The following ANK3 variants were observed in gnomAD, a reference collection of about 807,000 sequenced individuals.
ANK3 encodes ankyrin 3.
A neutral mutation model predicts 370.9 loss-of-function variants in ANK3; 57 were observed. The ratio of observed to expected loss-of-function variants is 0.15; its 90% CI spans 0.12 to 0.19. The LOEUF is 0.19. Among genes scored for constraint, ANK3 ranks in the 10% least tolerant of loss-of-function variants. The pLI is 1.00. For synonymous variants in ANK3, 1,929 were observed against 1,946.3 expected, an observed-to-expected ratio of 0.99 and a Z score of 0.23; for missense variants, 4,439 against 5,302.1, an observed-to-expected ratio of 0.84 and a Z score of 5.06.
chr10:60,049,619 C>T (rs2077554946), intron 42 of ANK3, among the ~76,000 whole-genome samples: 1 of 152,022 alleles, frequency 6.6e-6, no homozygotes, highest in Non-Finnish European at 1.5e-5. Flanking sequence ...TACGGACTCC[C>T]CTGTTTTTAT....
At chr10:60,731,523 C>T (rs1206286847) in intron 1 of ANK3, among the ~76,000 whole-genome samples, 2 of 152,232 alleles carry the variant, frequency 1.3e-5, no homozygotes, top group African/African-American at 2.4e-5. Context: ...CTTATTTATC[C>T]TCCACTGATT....
chr10:60,159,451 T>C (rs1040892210), intron 23 of ANK3, among the ~76,000 whole-genome samples: 3 of 152,102 alleles, frequency 2.0e-5, no homozygotes, highest in African/African-American at 7.2e-5. Flanking sequence ...AAGAGAGAGA[T>C]AGACCCCAAT....
intron 2 of ANK3, among the ~76,000 whole-genome samples, chr10:60,583,698 T>G (rs1016148653): frequency 6.6e-6 from 1 of 152,008 alleles, no homozygotes; most frequent in Non-Finnish European, 1.5e-5. Flanking sequence ...TTCTCCTGCC[T>G]CAGCCTCCTG....
intron 8 of ANK3, among the ~76,000 whole-genome samples, chr10:60,227,788 A>G (rs994302869): frequency 6.6e-6 from 1 of 151,910 alleles, no homozygotes; most frequent in East Asian, 1.9e-4. Context: ...CCCGCATTAT[A>G]CTCGTTTCTC....
chr10:60,571,188 G>T (rs144000327), intron 2 of ANK3, among the ~76,000 whole-genome samples: 1 of 152,024 alleles, frequency 6.6e-6, no homozygotes, highest in East Asian at 1.9e-4. Context: ...CCTTGCCAAG[G>T]CAATGTACAA....
At chr10:60,146,392 C>A (rs1381431177) in intron 23 of ANK3, among the ~76,000 whole-genome samples, 1 of 152,182 alleles carries the variant, frequency 6.6e-6, no homozygotes, top group African/African-American at 2.4e-5. Flanking sequence ...CAGATTATTT[C>A]ATCATCCAGG....
At chr10:60,180,367 G>T (rs927912721) in intron 18 of ANK3, among the ~76,000 whole-genome samples, 9 of 152,260 alleles carry the variant, frequency 5.9e-5, no homozygotes, top group Admixed American at 5.2e-4. Flanking sequence ...GGAGGCCGAG[G>T]CATGTGGATC....
chr10:60,234,538 A>C, intron 8 of ANK3, 150 bp downstream of exon 8: 1 of 537,762 alleles, frequency 1.9e-6, no homozygotes, highest in South Asian at 2.9e-5. Context: ...ATACCATTTT[A>C]AAAAGAATAA....
At chr10:60,080,382 G>A in intron 36 of ANK3, 155 bp downstream of exon 36, 2 of 626,286 alleles carry the variant, frequency 3.2e-6, no homozygotes, top group Non-Finnish European at 5.4e-6. Flanking sequence ...CTTCAACTAG[G>A]CACAAAATAT....
intron 1 of ANK3, among the ~76,000 whole-genome samples, chr10:60,687,801 G>T (rs1345609869): frequency 1.3e-5 from 2 of 152,070 alleles, no homozygotes; most frequent in African/African-American, 2.4e-5. Flanking sequence ...GCAAAGATGT[G>T]GTTATATAAC....
chr10:60,037,694 T>C (rs867382397), intron 43 of ANK3, among the ~76,000 whole-genome samples: 4 of 152,346 alleles, frequency 2.6e-5, no homozygotes, highest in East Asian at 3.9e-4. Context: ...CAGTCTACCA[T>C]TGATGGGCAT....
At chr10:60,353,180 A>G in intron 1 of ANK3, among the ~76,000 whole-genome samples, 1 of 137,710 alleles carries the variant, frequency 7.3e-6, no homozygotes. Context: ...TTTTTTAGAG[A>G]CTGGGTTTCA....
At chr10:60,300,420 T>C (rs1249233332) in intron 1 of ANK3, 1 of 1,288,942 alleles carries the variant, frequency 7.8e-7, no homozygotes, top group Non-Finnish European at 1.0e-6. Context: ...GCATCACATC[T>C]AAAAATATCT....
Position 60,173,116 on chromosome 10 carries a change from T to C in ANK3, c.2255A>G (p.His752Arg). Residue 752 changes from histidine (H) to arginine (R), a missense_variant, in exon 19 of 44, where the codon CAT becomes CGT. His to Arg is a conservative substitution (Grantham distance 29). Transcript: ENST00000280772. Reference protein sequence around the residue: ...NIKIVNFLLQHSAKVNAKTKN... With the variant: ...NIKIVNFLLQRSAKVNAKTKN... ...TGTTTTGGCATTAACTTTTGCAGAA[T>C]GCTGGAGCAGGAAATTAACAATCTT... The C allele has an allele frequency of 1.2e-6, 2 of 1,614,146 alleles. No homozygotes were observed. Among genetic ancestry groups the C allele is most frequent in the South Asian group, 1.1e-5 (1 of 91,074 alleles).
intron 2 of ANK3, among the ~76,000 whole-genome samples, chr10:60,496,813 G>A (rs2133133423): frequency 6.6e-6 from 1 of 151,910 alleles, no homozygotes; most frequent in Non-Finnish European, 1.5e-5. Flanking sequence ...GCTTGGCCGG[G>A]AGGTAGGTCA....
At chr10:60,690,557 T>C (rs2079337418) in intron 1 of ANK3, among the ~76,000 whole-genome samples, 1 of 152,190 alleles carries the variant, frequency 6.6e-6, no homozygotes, top group Non-Finnish European at 1.5e-5. Context: ...TTTAATACTT[T>C]TATGAAACAT....
At chr10:60,266,772 T>A (rs1435816025) in intron 5 of ANK3, among the ~76,000 whole-genome samples, 2 of 152,238 alleles carry the variant, frequency 1.3e-5, no homozygotes, top group African/African-American at 4.8e-5. Flanking sequence ...TGGTGTGGTT[T>A]GCTTTGTGCA....
intron 2 of ANK3, among the ~76,000 whole-genome samples, chr10:60,483,409 C>T (rs1010266099): frequency 1.3e-5 from 2 of 152,036 alleles, no homozygotes; most frequent in Admixed American, 6.6e-5. Context: ...GCCATAGAAA[C>T]CAAGGTATAA....
chr10:60,241,398 C>T (rs2097456085), intron 7 of ANK3, among the ~76,000 whole-genome samples: 2 of 151,910 alleles, frequency 1.3e-5, no homozygotes, highest in South Asian at 4.2e-4. Context: ...TAAATTTTTT[C>T]CTGTTCATTC....
Sources: gnomAD v4.1 joint callset for allele counts (sites outside exome capture counted in the v4.1 genomes callset) on GRCh38, gnomAD v4.1.1 for gene constraint, MANE v1.5 for transcripts, NCBI Gene and HGNC (gene_info 2026-07-23, HGNC 2026-07-21) for gene names.